GALNT17: variants seen among roughly 807,000 people sequenced by gnomAD.
The protein encoded by GALNT17 is polypeptide N-acetylgalactosaminyltransferase 17.
In GALNT17, 29 loss-of-function variants were observed where a neutral mutation model predicts 63.7. That is an observed-to-expected ratio of 0.46 (90% confidence interval 0.34 to 0.62). GALNT17 has a LOEUF of 0.62. GALNT17 is among the 20% of genes least tolerant of loss of function. The pLI, the probability that GALNT17 is intolerant of heterozygous loss-of-function variation, is 0.01. For missense variants in GALNT17, 603 were observed against 799.6 expected, an observed-to-expected ratio of 0.75 and a Z score of 2.97; for synonymous variants, 305 against 318.3, an observed-to-expected ratio of 0.96 and a Z score of 0.45.
intron 3 of GALNT17, among the ~76,000 whole-genome samples, chr7:71,409,063 T>A (rs1441594582): frequency 6.7e-6 from 1 of 148,218 alleles, no homozygotes; most frequent in Non-Finnish European, 1.5e-5. Flanking sequence ...TTTAAATATA[T>A]CTATATTTTA....
intron 1 of GALNT17, among the ~76,000 whole-genome samples, chr7:71,164,432 C>T (rs1788399602): frequency 6.6e-6 from 1 of 152,184 alleles, no homozygotes; most frequent in Non-Finnish European, 1.5e-5. Flanking sequence ...GAAGTCCACC[C>T]CCATGATCGA....
chr7:71,482,458 A>G lies in GALNT17; in HGVS notation c.962+61353A>G, dbSNP rs79228923. 2.6e-5 allele frequency among the ~76,000 whole-genome samples: 4 copies of G among 152,214 alleles called. No individual in the cohort carries two copies. The East Asian group carries it at 7.7e-4, about 29-fold the overall frequency. ...AGCCACTGCACCTGCCGACAGGGAT[A>G]CATTCAAAGAAATGCATCATTAGGC... On this transcript the variant is annotated intron_variant, in intron 5 of 10. Coordinates refer to ENST00000333538, the MANE Select transcript of GALNT17 (RefSeq NM_022479.3).
intron 6 of GALNT17, among the ~76,000 whole-genome samples, chr7:71,638,492 G>T (rs938187506): frequency 2.0e-5 from 3 of 152,176 alleles, no homozygotes; most frequent in African/African-American, 7.2e-5. Flanking sequence ...CCCCTGGAAG[G>T]TTAGGAAAGG....
chr7:71,519,485 A>G (rs910000063), intron 5 of GALNT17, among the ~76,000 whole-genome samples: 1 of 151,836 alleles, frequency 6.6e-6, no homozygotes, highest in Non-Finnish European at 1.5e-5. Context: ...GTTTTTTGAG[A>G]TGGAGTCTCA....
rs141229407 is a variant in GALNT17 at position 71,242,429 on chromosome 7, C to T, written c.239-93121C>T. Among the ~76,000 whole-genome samples, 378 of 151,764 alleles carry T rather than the reference C, an allele frequency of 2.5e-3. 2 individuals carry two copies. Among genetic ancestry groups the T allele is most frequent in the African/African-American group, 8.1e-3 (337 of 41,386 alleles). ...GACTACAGGCGCCTACCACCACGCCCGGCTAATTTTTTGTATTTTTAGTAG... is the reference window on the plus strand; with the variant it reads ...GACTACAGGCGCCTACCACCACGCCTGGCTAATTTTTTGTATTTTTAGTAG... On this transcript the variant is annotated intron_variant, in intron 1 of 10. Transcript: ENST00000333538.
intron 5 of GALNT17, among the ~76,000 whole-genome samples, chr7:71,566,483 C>T (rs995455480): frequency 5.9e-5 from 9 of 151,994 alleles, no homozygotes; most frequent in Non-Finnish European, 7.4e-5. Context: ...TGCTCAGAAA[C>T]ACCCTCTAGA....
intron 1 of GALNT17, among the ~76,000 whole-genome samples, chr7:71,227,655 G>A (rs954921332): frequency 1.3e-5 from 2 of 152,170 alleles, no homozygotes; most frequent in Non-Finnish European, 2.9e-5. Context: ...ATGGCATACA[G>A]CATGAGGTTC....
At chr7:71,221,794 G>C (rs1284399991) in intron 1 of GALNT17, among the ~76,000 whole-genome samples, 4 of 151,898 alleles carry the variant, frequency 2.6e-5, no homozygotes, top group Non-Finnish European at 5.9e-5. Flanking sequence ...AAGTTGCAAA[G>C]ATAATACAGA....
chr7:71,564,324 AC>A (rs1562692671), intron 5 of GALNT17, among the ~76,000 whole-genome samples: 3 of 121,604 alleles, frequency 2.5e-5, no homozygotes, highest in African/African-American at 9.5e-5. Flanking sequence ...TCACTCTGTC[AC>A]CCAGGCTGGA....
intron 1 of GALNT17, among the ~76,000 whole-genome samples, chr7:71,312,998 A>G (rs11766837): frequency 0.39 from 59,950 of 151,860 alleles, 12,239 homozygotes; most frequent in African/African-American, 0.45. Context: ...AGTTCCAGCT[A>G]CTTGGAAGGC....
Position 71,132,729 on chromosome 7 carries a change from G to A in GALNT17, c.-74G>A. On this transcript the variant is annotated 5_prime_UTR_variant, in exon 1 of 11. Transcript: ENST00000333538. ...CCGTCTGGTGTGTGAGGCTTGCACG[G>A]CCCCTGGCTGCCCCGCGCCTCGCCG... 1.5e-6 allele frequency: 2 copies of A among 1,304,280 alleles called. No individual in the cohort carries two copies. The highest frequency in any genetic ancestry group is 2.1e-6 in the Non-Finnish European group (2 of 948,758). The allele number at this position is 1,304,280 out of a possible 1,614,324, so 80.8% of individuals were successfully genotyped here.
At chr7:71,420,653 C>T (rs1192329593) in intron 4 of GALNT17, among the ~76,000 whole-genome samples, 2 of 152,136 alleles carry the variant, frequency 1.3e-5, no homozygotes, top group Non-Finnish European at 1.5e-5. Context: ...CCAGGCTTTT[C>T]GGGCCAGAGC....
At chr7:71,245,873 A>C (rs1425924917) in intron 1 of GALNT17, among the ~76,000 whole-genome samples, 1 of 126,652 alleles carries the variant, frequency 7.9e-6, no homozygotes, top group Non-Finnish European at 1.8e-5. Context: ...TTGCAAAGGT[A>C]TCTTTGCACT....
chr7:71,301,762 G>C (rs968860691), intron 1 of GALNT17, among the ~76,000 whole-genome samples: 2 of 151,850 alleles, frequency 1.3e-5, no homozygotes, highest in African/African-American at 4.8e-5. Flanking sequence ...AAAACTAAAC[G>C]AAAATGAAAT....
intron 9 of GALNT17, among the ~76,000 whole-genome samples, chr7:71,710,235 C>A (rs1314323890): frequency 6.6e-6 from 1 of 152,124 alleles, no homozygotes; most frequent in Non-Finnish European, 1.5e-5. Flanking sequence ...CAGGGCCGGG[C>A]GCCGTGGCTC....
At chr7:71,676,115 T>C (rs1281232701) in intron 8 of GALNT17, among the ~76,000 whole-genome samples, 1 of 152,136 alleles carries the variant, frequency 6.6e-6, no homozygotes, top group Non-Finnish European at 1.5e-5. Flanking sequence ...TCCCACTCAT[T>C]GAGACCCTAG....
chr7:71,304,322 A>T (rs918813491), intron 1 of GALNT17, among the ~76,000 whole-genome samples: 1 of 152,220 alleles, frequency 6.6e-6, no homozygotes, highest in Non-Finnish European at 1.5e-5. Flanking sequence ...CGGCGTTCAG[A>T]GGTGGATTAA....
intron 1 of GALNT17, among the ~76,000 whole-genome samples, chr7:71,164,372 A>T (rs1409167261): frequency 6.6e-6 from 1 of 152,230 alleles, no homozygotes; most frequent in African/African-American, 2.4e-5. Flanking sequence ...CATTTATCAG[A>T]CAACCAGATC....
chr7:71,430,591 G>A (rs897788056), intron 5 of GALNT17, among the ~76,000 whole-genome samples: 1 of 152,138 alleles, frequency 6.6e-6, no homozygotes, highest in Non-Finnish European at 1.5e-5. Context: ...CATTGCTCAT[G>A]AATAACTAAT....
Sources: gnomAD v4.1 joint callset for allele counts (sites outside exome capture counted in the v4.1 genomes callset) on GRCh38, gnomAD v4.1.1 for gene constraint, MANE v1.5 for transcripts, NCBI Gene and HGNC (gene_info 2026-07-23, HGNC 2026-07-21) for gene names.